The following CCDC73 variants were observed in gnomAD, a reference collection of about 807,000 sequenced individuals.
CCDC73 encodes the protein coiled-coil domain-containing protein 73.
A neutral mutation model predicts 116.5 loss-of-function variants in CCDC73; 95 were observed. The observed-to-expected ratio is 0.82, with a 90% CI of 0.69 to 0.97. CCDC73 has a LOEUF of 0.97. CCDC73 is among the 50% of genes least tolerant of loss of function. The pLI is 0.00. For synonymous variants in CCDC73, 398 were observed against 401.3 expected, an observed-to-expected ratio of 0.99 and a Z score of 0.10; for missense variants, 1,066 against 1,206.8, an observed-to-expected ratio of 0.88 and a Z score of 1.73.
chr11:32,817,286 A>G, the CCDC73 span, among the ~76,000 whole-genome samples: 1 of 152,218 alleles, frequency 6.6e-6, no homozygotes, highest in Non-Finnish European at 1.5e-5. Flanking sequence ...ACATCTTTGC[A>G]TACATCCAGG....
chr11:32,755,868 CAT>C lies in CCDC73; in HGVS notation c.135+4239_135+4240del, dbSNP rs1476063804. ...ATATATATGTGTGTGTATATATCTC[CAT>C]ATATATATCTGTGTATATATCTCCA... On this transcript the variant is annotated intron_variant, in intron 2 of 17. Coordinates refer to ENST00000335185, the MANE Select transcript of CCDC73 (RefSeq NM_001008391.4). Among the ~76,000 whole-genome samples the C allele has an allele frequency of 3.3e-4, 39 of 117,538 alleles. 6 individuals are homozygous for C. Among genetic ancestry groups the C allele is most frequent in the Non-Finnish European group, 1.8e-4 (11 of 59,536 alleles). The allele number at this position is 117,538 out of a possible 152,430, so 77.1% of individuals were successfully genotyped here. A position where few individuals can be genotyped will look rare whatever the true frequency, so the allele number is the denominator to read the frequency against.
At chr11:32,685,631 T>G (rs769165036) in intron 6 of CCDC73, among the ~76,000 whole-genome samples, 1 of 151,850 alleles carries the variant, frequency 6.6e-6, no homozygotes, top group Non-Finnish European at 1.5e-5. Context: ...GACCTCGTTA[T>G]GTGTGATATG....
At chr11:32,727,293 C>G (rs1850036572) in intron 2 of CCDC73, among the ~76,000 whole-genome samples, 1 of 152,138 alleles carries the variant, frequency 6.6e-6, no homozygotes. Flanking sequence ...GTAGTGTCTT[C>G]CAGGTATCTC....
chr11:32,609,327 A>T (rs2133215718), intron 17 of CCDC73, among the ~76,000 whole-genome samples: 1 of 152,236 alleles, frequency 6.6e-6, no homozygotes, highest in East Asian at 1.9e-4. Flanking sequence ...CATCTCTCTC[A>T]AGTTCAAAGT....
intron 1 of CCDC73, among the ~76,000 whole-genome samples, chr11:32,777,079 A>G (rs1370840463): frequency 7.2e-6 from 1 of 139,656 alleles, no homozygotes; most frequent in Non-Finnish European, 1.5e-5. Context: ...TACTTTCTGT[A>G]TGTAATCTTT....
intron 2 of CCDC73, among the ~76,000 whole-genome samples, chr11:32,736,045 A>G (rs1197438455): frequency 6.6e-6 from 1 of 152,126 alleles, no homozygotes; most frequent in African/African-American, 2.4e-5. Context: ...TAGACCTAAA[A>G]CCATAAAAAC....
chr11:32,712,306 G>T (rs1849907395), intron 3 of CCDC73, among the ~76,000 whole-genome samples: 1 of 151,996 alleles, frequency 6.6e-6, no homozygotes, highest in African/African-American at 2.4e-5. Context: ...TTGATCAAGG[G>T]TACAAAGTTC....
intron 6 of CCDC73, among the ~76,000 whole-genome samples, chr11:32,695,241 C>T (rs572115560): frequency 2.4e-4 from 36 of 151,998 alleles, no homozygotes; most frequent in African/African-American, 8.2e-4. Flanking sequence ...TGGTGGCATG[C>T]GCCTGTAATC....
chr11:32,704,215 C>A (rs928609719), intron 3 of CCDC73, among the ~76,000 whole-genome samples: 2 of 152,252 alleles, frequency 1.3e-5, no homozygotes, highest in Non-Finnish European at 2.9e-5. Context: ...TATCCCTGCA[C>A]TCTGCATTCT....
intron 2 of CCDC73, among the ~76,000 whole-genome samples, chr11:32,725,616 GT>G (rs1850024330): frequency 6.6e-6 from 1 of 152,098 alleles, no homozygotes; most frequent in African/African-American, 2.4e-5. Context: ...TATTATACAT[GT>G]TAATGGAAGA....
At chr11:32,637,011 CTTTT>C (rs750191536) in intron 13 of CCDC73, among the ~76,000 whole-genome samples, 1 of 62,366 alleles carries the variant, frequency 1.6e-5, no homozygotes, top group East Asian at 2.4e-4. Flanking sequence ...TTCACTTTTT[CTTTT>C]TCTTTTTTTT....
At chr11:32,650,550 C>A (rs1855817298) in intron 12 of CCDC73, among the ~76,000 whole-genome samples, 1 of 152,136 alleles carries the variant, frequency 6.6e-6, no homozygotes, top group Admixed American at 6.5e-5. Context: ...AATTATCTAA[C>A]TATAGAGTGG....
At position 32,614,848 on chromosome 11, in the gene CCDC73, G is replaced by A. The variant is rs745439025; in HGVS notation, c.1470C>T (p.Leu490=). ...NQSEISLSKT[L]SLDKEVISQG... is the part of the protein sequence containing the mutation. ...GACTAATTACTTCTTTATCTAAGGAGAGGGTTTTGCTTAAGGAGATTTCAC... is the reference window on the plus strand; with the variant it reads ...GACTAATTACTTCTTTATCTAAGGAAAGGGTTTTGCTTAAGGAGATTTCAC... Residue 490 remains leucine, a synonymous_variant, in exon 16 of 18, where the codon CTC becomes CTT. Coordinates refer to ENST00000335185, the MANE Select transcript of CCDC73 (RefSeq NM_001008391.4). 25 of 1,612,738 alleles carry A rather than the reference G, an allele frequency of 1.6e-5. No homozygotes were observed. The highest frequency in any genetic ancestry group is 2.1e-5 in the Non-Finnish European group (25 of 1,179,332).
At chr11:32,715,498 GCACA>G (rs35260107) in intron 3 of CCDC73, among the ~76,000 whole-genome samples, 24 of 148,560 alleles carry the variant, frequency 1.6e-4, no homozygotes, top group Middle Eastern at 3.4e-3. Flanking sequence ...TGATACACAC[GCACA>G]CACACACACA....
At chr11:32,669,825 C>T (rs1436523625) in intron 9 of CCDC73, among the ~76,000 whole-genome samples, 1 of 152,218 alleles carries the variant, frequency 6.6e-6, no homozygotes, top group Non-Finnish European at 1.5e-5. Flanking sequence ...TAGTACTCCA[C>T]TGTGTATGGG....
chr11:32,695,156 G>C (rs1331125650), intron 6 of CCDC73, among the ~76,000 whole-genome samples: 1 of 152,118 alleles, frequency 6.6e-6, no homozygotes, highest in African/African-American at 2.4e-5. Flanking sequence ...ATCACTAGAG[G>C]TTAGGAGTTC....
Position 32,760,090 on chromosome 11 carries a change from A to G in CCDC73, c.135+19T>C. On this transcript the variant is annotated intron_variant, in intron 2 of 17. Transcript: ENST00000335185. ...TCAAGTTTTCTTATTTAACAAAAGC[A>G]TTTTAAAAAGGAGCTTACCCTTCTC... The G allele has an allele frequency of 6.3e-7, 1 of 1,576,472 alleles. No homozygotes were observed. The highest frequency in any genetic ancestry group is 8.6e-7 in the Non-Finnish European group (1 of 1,165,802).
chr11:32,786,213 T>C (rs989988980), intron 1 of CCDC73, among the ~76,000 whole-genome samples: 4 of 151,696 alleles, frequency 2.6e-5, no homozygotes, highest in South Asian at 2.1e-4. Context: ...TATAGAAGGG[T>C]TGCCATTAAG....
chr11:32,686,513 G>A (rs998102342), intron 6 of CCDC73, among the ~76,000 whole-genome samples: 11 of 151,878 alleles, frequency 7.2e-5, no homozygotes, highest in Admixed American at 7.2e-4. Flanking sequence ...AAAGGGAAAT[G>A]TTTTGAGGTC....
Sources: gnomAD v4.1 joint callset for allele counts (sites outside exome capture counted in the v4.1 genomes callset) on GRCh38, gnomAD v4.1.1 for gene constraint, MANE v1.5 for transcripts, NCBI Gene and HGNC (gene_info 2026-07-23, HGNC 2026-07-21) for gene names.